Variants in NLRP7 observed in about 807,000 individuals in gnomAD.
NLRP7 encodes NLR family pyrin domain containing 7, also known as NACHT, LRR and PYD domains-containing protein 7.
Under a neutral mutation model 85.5 loss-of-function variants are expected in NLRP7, and 72 were observed. The observed-to-expected ratio is 0.84, with a 90% CI of 0.70 to 1.02. The LOEUF (loss-of-function observed/expected upper bound fraction) is 1.02, where lower values mean the gene tolerates loss of function less well. NLRP7 is among the 50% of genes least tolerant of loss of function. The pLI, the probability that NLRP7 is intolerant of heterozygous loss-of-function variation, is 0.00. For missense variants in NLRP7, 1,243 were observed against 1,219.5 expected, an observed-to-expected ratio of 1.02 and a Z score of -0.29; for synonymous variants, 550 against 505.2, an observed-to-expected ratio of 1.09 and a Z score of -1.19.
At chr19:54,927,848 T>C (rs1410072771) in intron 9 of NLRP7, 73 bp from the exon 10 acceptor site, 1 of 1,383,858 alleles carries the variant, frequency 7.2e-7, no homozygotes, top group East Asian at 2.3e-5. Context: ...TCCCAACACT[T>C]CGGGAGGCCA....
chr19:54,930,327 T>C (rs994323535), intron 9 of NLRP7, among the ~76,000 whole-genome samples, 172 bp downstream of exon 9: 23 of 151,492 alleles, frequency 1.5e-4, no homozygotes, highest in African/African-American at 5.3e-4. Context: ...CTGGCCATGG[T>C]AATACATGCC....
chr19:54,962,993 C>T (rs2070113825), intron 1 of NLRP7, among the ~76,000 whole-genome samples: 1 of 152,220 alleles, frequency 6.6e-6, no homozygotes, highest in African/African-American at 2.4e-5. Flanking sequence ...ATCTTCAAGA[C>T]CTCAGACAGG....
rs779427533 is a variant in NLRP7, at chr19:54,936,436, G to C, written c.2130-5C>G. 1.2e-6 allele frequency: 2 copies of C among 1,612,942 alleles called. No homozygotes were observed. The highest frequency in any genetic ancestry group is 2.7e-5 in the African/African-American group (2 of 74,892). ...TCAGGGGTGACGTTTTTAATCCTAG[G>C]GAAAAGCAGAAGAGATTCCACTTGG... On this transcript the variant is annotated splice_region_variant and splice_polypyrimidine_tract_variant and intron_variant, in intron 5 of 9. Coordinates refer to ENST00000340844, the Ensembl canonical transcript of NLRP7.
chr19:54,933,466 A>T (rs954567584), intron 8 of NLRP7, 103 bp downstream of exon 8: 31 of 1,436,530 alleles, frequency 2.2e-5, no homozygotes, highest in Non-Finnish European at 3.0e-5. Context: ...TTTAATTCTT[A>T]CCAGGTTTTT....
chr19:54,944,978 G>A (rs929267901), intron 1 of NLRP7, among the ~76,000 whole-genome samples: 20 of 151,968 alleles, frequency 1.3e-4, no homozygotes, highest in African/African-American at 4.3e-4. Context: ...GGTGGCTCAC[G>A]CCTGTAATCC....
chr19:54,954,552 AG>A (rs1215239555), intron 1 of NLRP7, among the ~76,000 whole-genome samples: 1 of 147,474 alleles, frequency 6.8e-6, no homozygotes, highest in South Asian at 2.1e-4. Flanking sequence ...AAAAAAAAAA[AG>A]GGCAACCGAG....
chr19:54,942,702 C>T (rs1004729144), intron 1 of NLRP7, among the ~76,000 whole-genome samples: 2 of 152,100 alleles, frequency 1.3e-5, no homozygotes, highest in Non-Finnish European at 2.9e-5. Flanking sequence ...GCAACAAGAA[C>T]AAGACTCTGT....
chr19:54,962,636 G>A (rs1016560337), intron 1 of NLRP7, among the ~76,000 whole-genome samples: 2 of 150,100 alleles, frequency 1.3e-5, no homozygotes, highest in African/African-American at 4.9e-5. Flanking sequence ...GTCTTGCTCT[G>A]TCACCCAGGC....
At chr19:54,955,697 G>A (rs111604360) in intron 1 of NLRP7, among the ~76,000 whole-genome samples, 7,283 of 152,098 alleles carry the variant, frequency 0.048, 215 homozygotes, top group South Asian at 0.085. Context: ...TGAGGCAGGA[G>A]AATGACGTGA....
In NLRP7 at chr19:54,934,083, A is replaced by G. The variant is rs1014877173; in HGVS notation, c.2472-344T>C. Among the ~76,000 whole-genome samples, 10 of 152,070 alleles carry G rather than the reference A, an allele frequency of 6.6e-5. No individual in the cohort carries two copies. The highest frequency in any genetic ancestry group is 2.4e-4 in the African/African-American group (10 of 41,414). The stretch of plus-strand genomic sequence containing the variant: ...CTCAGCCTCCTGAGTAGCTGGGACT[A>G]CAGGCGCCCACCACACCTGGATAAT... On this transcript the variant is annotated intron_variant, in intron 7 of 9. Coordinates refer to ENST00000340844, the Ensembl canonical transcript of NLRP7. This position sits in a 1 kb window ranked among gnomAD's most constrained non-coding sequence, Gnocchi z 6.7.
rs370809480 is a variant in NLRP7, at chr19:54,960,308, G to A, written c.-77+5732C>T. On this transcript the variant is annotated intron_variant, in intron 1 of 2. Transcript: ENST00000587103. Reference sequence around the variant, plus strand: ...GTAGCTGGGATTACAGGTGCCTGCCGCCACACCCAGCTAACTTTTGTATTT... The same window carrying A: ...GTAGCTGGGATTACAGGTGCCTGCCACCACACCCAGCTAACTTTTGTATTT... Among the ~76,000 whole-genome samples the A allele has an allele frequency of 7.9e-4, 119 of 151,380 alleles. 2 individuals carry two copies. In the East Asian group the frequency reaches 0.017, roughly 22 times the overall value.
intron 2 of NLRP7, among the ~76,000 whole-genome samples, chr19:54,941,229 G>T (rs371111579): frequency 3.7e-4 from 56 of 151,398 alleles, no homozygotes; most frequent in African/African-American, 1.3e-3. Flanking sequence ...AATTAGCCAG[G>T]TGTGGTGAAA....
At chr19:54,957,026 A>AT (rs1338741748) in intron 1 of NLRP7, among the ~76,000 whole-genome samples, 18 of 146,992 alleles carry the variant, frequency 1.2e-4, no homozygotes, top group Non-Finnish European at 1.0e-4. Context: ...TTATTTATTT[A>AT]TTTATTTTAT....
At chr19:54,943,724 C>G (rs1312269096) in intron 1 of NLRP7, among the ~76,000 whole-genome samples, 3 of 152,144 alleles carry the variant, frequency 2.0e-5, no homozygotes, top group African/African-American at 7.2e-5. Flanking sequence ...ATCTTTTTCC[C>G]CAGCTGTGAC....
upstream of NLRP7, chr19:54,947,770 G>C (rs146355257): frequency 1.5e-6 from 1 of 682,474 alleles, no homozygotes; most frequent in Non-Finnish European, 2.3e-6. Flanking sequence ...TAGACCACCC[G>C]GGCCAGGTGT....
intron 9 of NLRP7, among the ~76,000 whole-genome samples, chr19:54,926,205 G>GTGTGTGTGT (rs2068429587): frequency 7.0e-6 from 1 of 143,642 alleles, no homozygotes; most frequent in Non-Finnish European, 1.5e-5. Context: ...AATGATTAGG[G>GTGTGTGTGT]GTGTGTGTGT....
At chr19:54,924,118 C>A (rs1028348046) in intron 9 of NLRP7, among the ~76,000 whole-genome samples, 1 of 152,084 alleles carries the variant, frequency 6.6e-6, no homozygotes, top group Non-Finnish European at 1.5e-5. Context: ...CAGGTGTGCA[C>A]CACCACGCTT....
intron 1 of NLRP7, chr19:54,965,208 C>T (rs920586923): frequency 2.0e-5 from 2 of 99,660 alleles, no homozygotes; most frequent in Non-Finnish European, 4.2e-5. Context: ...CCCCCAACAC[C>T]CCCCGCCCCC....
At chr19:54,940,557 T>A in intron 3 of NLRP7, 91 bp from the exon 4 acceptor site, 1 of 1,438,764 alleles carries the variant, frequency 7.0e-7, no homozygotes, top group Admixed American at 1.7e-5. Flanking sequence ...CCAGGCACGG[T>A]GTCTCATGCT....
Sources: gnomAD v4.1 joint callset for allele counts (sites outside exome capture counted in the v4.1 genomes callset) on GRCh38, gnomAD v4.1.1 for gene constraint, Gnocchi (gnomAD v3.1) non-coding constraint, MANE v1.5 for transcripts, NCBI Gene and HGNC (gene_info 2026-07-23, HGNC 2026-07-21) for gene names.